The following EEA1 variants were observed in gnomAD, a reference collection of about 807,000 sequenced individuals.
The protein encoded by EEA1 is early endosome antigen 1.
EEA1 carries 111 observed loss-of-function variants against 209.2 expected under a neutral mutation model. The ratio of observed to expected loss-of-function variants is 0.53; its 90% CI spans 0.45 to 0.62. The LOEUF is 0.62. EEA1 is among the 20% of genes least tolerant of loss of function. The probability of loss-of-function intolerance (pLI) is 0.00; values close to 1 mark genes in which losing one functional copy is unlikely to be tolerated. For missense variants in EEA1, 1,343 were observed against 1,530.8 expected (o/e 0.88, Z 2.05); for synonymous variants, 536 against 540.6 (o/e 0.99, Z 0.12).
At position 92,891,744 on chromosome 12, in the gene EEA1, GA is replaced by G. The variant is rs746349828; in HGVS notation, c.25-24del. On this transcript the variant is annotated intron_variant, in intron 1 of 28. Transcript: ENST00000322349. The stretch of plus-strand genomic sequence containing the variant: ...AGTCTGGAACACAAACAGTAGGGAG[GA>G]AAAAAAAACAAAGCAGACATTAACA... 3.7e-5 allele frequency: 55 copies of G among 1,482,274 alleles called. 1 individual carries two copies. The highest frequency in any genetic ancestry group is 1.5e-4 in the South Asian group (12 of 79,814). The allele number at this position is 1,482,274 out of a possible 1,614,324, so 91.8% of individuals were successfully genotyped here.
chr12:92,795,757 T>C (rs1874630988), intron 21 of EEA1, among the ~76,000 whole-genome samples: 1 of 152,218 alleles, frequency 6.6e-6, no homozygotes, highest in Non-Finnish European at 1.5e-5. Context: ...CCAATTCACA[T>C]TGAAGAATTC....
At chr12:92,780,473 T>A in intron 23 of EEA1, 62 bp from the exon 24 acceptor site, 2 of 1,202,454 alleles carry the variant, frequency 1.7e-6, no homozygotes, top group Non-Finnish European at 2.3e-6. Context: ...AAAATGGGTG[T>A]AATAAAAATG....
intron 2 of EEA1, 105 bp from the exon 3 acceptor site, chr12:92,865,092 G>C (rs1878317943): frequency 1.2e-6 from 1 of 846,090 alleles, no homozygotes; most frequent in African/African-American, 1.8e-5. Context: ...TACCAATGGT[G>C]CCATTAGGTA....
At chr12:92,875,934 A>C (rs1692083644) in intron 2 of EEA1, among the ~76,000 whole-genome samples, 2 of 152,004 alleles carry the variant, frequency 1.3e-5, no homozygotes, top group South Asian at 2.1e-4. Flanking sequence ...CACCTCCTTC[A>C]GTTCTTTTTG....
chr12:92,911,545 T>C (rs1880584133), intron 1 of EEA1, among the ~76,000 whole-genome samples: 1 of 152,248 alleles, frequency 6.6e-6, no homozygotes, highest in Non-Finnish European at 1.5e-5. Context: ...GTACTCTGTA[T>C]GGTATTATAA....
rs137899265 is a variant in EEA1 at position 92,802,484 on chromosome 12, T to C, written c.2590A>G (p.Lys864Glu). Residue 864 changes from lysine to glutamate, a missense_variant, in exon 19 of 29, where the codon AAA becomes GAA. Transcript: ENST00000322349. Reference protein sequence around the residue: ...ELSTVKDKLSKVSDSLKNSKS... With the variant: ...ELSTVKDKLSEVSDSLKNSKS... ...GAGTTTTTCAAAGAATCAGAAACTT[T>C]TGATAGTTTGTCCTTTACTGTAGAA... 6.3e-7 allele frequency: 1 copy of C among 1,579,816 alleles called. No homozygotes were observed. Among genetic ancestry groups the C allele is most frequent in the Non-Finnish European group, 8.5e-7 (1 of 1,171,228 alleles).
intron 1 of EEA1, among the ~76,000 whole-genome samples, chr12:92,903,249 T>C (rs1468951467): frequency 1.3e-5 from 2 of 151,554 alleles, no homozygotes; most frequent in African/African-American, 4.8e-5. Context: ...TTCAACAGTC[T>C]TGACAATTAA....
intron 13 of EEA1, among the ~76,000 whole-genome samples, chr12:92,819,887 T>C (rs1230520246): frequency 6.6e-6 from 1 of 152,154 alleles, no homozygotes; most frequent in African/African-American, 2.4e-5. Context: ...CCTGGAACTC[T>C]TCCCCCACAG....
intron 1 of EEA1, among the ~76,000 whole-genome samples, chr12:92,898,140 C>A (rs1200898969): frequency 6.6e-6 from 1 of 152,044 alleles, no homozygotes; most frequent in Non-Finnish European, 1.5e-5. Flanking sequence ...AAATAACAAC[C>A]AGTAATTAAA....
intron 2 of EEA1, among the ~76,000 whole-genome samples, chr12:92,867,460 G>A (rs1373053221): frequency 1.3e-5 from 2 of 151,098 alleles, no homozygotes; most frequent in Non-Finnish European, 2.9e-5. Context: ...GCAAAAATTG[G>A]CCAAAAAAAA....
At chr12:92,862,469 G>T (rs1267744338) in intron 3 of EEA1, among the ~76,000 whole-genome samples, 1 of 152,036 alleles carries the variant, frequency 6.6e-6, no homozygotes, top group Non-Finnish European at 1.5e-5. Flanking sequence ...GTTGGTCCAT[G>T]CCTGTAGTCC....
chr12:92,907,933 C>A (rs780714636), intron 1 of EEA1, among the ~76,000 whole-genome samples: 1 of 152,136 alleles, frequency 6.6e-6, no homozygotes, highest in African/African-American at 2.4e-5. Flanking sequence ...CACACCACTG[C>A]GCTCCAGCCT....
chr12:92,838,679 T>G (rs537850386), intron 10 of EEA1, among the ~76,000 whole-genome samples: 1 of 152,338 alleles, frequency 6.6e-6, no homozygotes, highest in Admixed American at 6.5e-5. Flanking sequence ...TGAGCACGTG[T>G]CTGCCCTACA....
intron 2 of EEA1, among the ~76,000 whole-genome samples, chr12:92,878,277 A>AAAAAAC (rs1365498169): frequency 2.0e-5 from 3 of 152,304 alleles, no homozygotes; most frequent in Admixed American, 6.5e-5. Context: ...CTACCTTTGG[A>AAAAAAC]AAAAACAAAA....
At chr12:92,847,393 T>C (rs991955544) in intron 9 of EEA1, among the ~76,000 whole-genome samples, 2 of 152,348 alleles carry the variant, frequency 1.3e-5, no homozygotes, top group African/African-American at 4.8e-5. Context: ...ACATACTTAA[T>C]TGAAAATAAC....
intron 14 of EEA1, 73 bp from the exon 15 acceptor site, chr12:92,816,473 A>T: frequency 1.4e-6 from 2 of 1,403,818 alleles, no homozygotes; most frequent in Non-Finnish European, 2.0e-6. Flanking sequence ...AAATTTAAGA[A>T]CCATGAGAAT....
intron 21 of EEA1, among the ~76,000 whole-genome samples, chr12:92,797,978 A>G (rs1874732086): frequency 2.0e-5 from 3 of 152,208 alleles, no homozygotes; most frequent in Non-Finnish European, 1.5e-5. Context: ...TATCTTCTCC[A>G]TAGACCAATT....
Position 92,787,857 on chromosome 12 carries a change from T to A in EEA1, c.3150+10A>T. 1 of 1,588,062 alleles carries A rather than the reference T, an allele frequency of 6.3e-7. No homozygotes were observed. The highest frequency in any genetic ancestry group is 8.5e-7 in the Non-Finnish European group (1 of 1,169,762). On this transcript the variant is annotated intron_variant, in intron 22 of 28. Coordinates refer to ENST00000322349, the MANE Select transcript of EEA1 (RefSeq NM_003566.4). ...ACTGAGACTTTATGGTACAGTATAG[T>A]TTACTATACCTTAAGATCTTGCCTG...
intron 1 of EEA1, among the ~76,000 whole-genome samples, chr12:92,917,307 T>G (rs1880805180): frequency 8.0e-6 from 1 of 124,584 alleles, no homozygotes; most frequent in Non-Finnish European, 1.7e-5. Flanking sequence ...TTCACCAAAG[T>G]TGAAATGAAG....
Sources: gnomAD v4.1 joint callset for allele counts (sites outside exome capture counted in the v4.1 genomes callset) on GRCh38, gnomAD v4.1.1 for gene constraint, MANE v1.5 for transcripts, NCBI Gene and HGNC (gene_info 2026-07-23, HGNC 2026-07-21) for gene names.